Variants in ENOX1 observed in about 807,000 individuals in gnomAD.
ENOX1 encodes candidate growth-related and time keeping constitutive hydroquinone (NADH) oxidase.
ENOX1 carries 42 observed loss-of-function variants against 82.5 expected under a neutral mutation model. The observed-to-expected ratio is 0.51, with a 90% CI of 0.40 to 0.66. The LOEUF (loss-of-function observed/expected upper bound fraction) is 0.66, where lower values mean the gene tolerates loss of function less well. Among genes scored for constraint, ENOX1 ranks in the 30% least tolerant of loss-of-function variants. ENOX1 has a pLI of 0.00. For missense variants in ENOX1, 608 were observed against 811.6 expected (o/e 0.75, Z 3.05); for synonymous variants, 271 against 282.2 (o/e 0.96, Z 0.40).
At chr13:43,609,874 G>A (rs2082126499) in intron 2 of ENOX1, 1 of 963,864 alleles carries the variant, frequency 1.0e-6, no homozygotes, top group South Asian at 4.8e-5. Context: ...TCTACTACTA[G>A]GGACTTACTT....
chr13:43,397,464 G>A (rs548621263), intron 5 of ENOX1, among the ~76,000 whole-genome samples: 32 of 152,302 alleles, frequency 2.1e-4, no homozygotes, highest in Non-Finnish European at 3.4e-4. Context: ...CATTTTTCCT[G>A]CTGAGATGGA....
Position 43,645,275 on chromosome 13 carries a change from C to A in ENOX1, c.-219+22204G>T, listed in dbSNP as rs148516960. 5.9e-5 allele frequency among the ~76,000 whole-genome samples: 9 copies of A among 152,260 alleles called. No individual in the cohort carries two copies. In the East Asian group the frequency reaches 1.7e-3, roughly 29 times the overall value. ...TGAGGCTCAAGTGATCCTCCCATCT[C>A]AAACTCCTTCTGAGTAGCTAGAACT... On this transcript the variant is annotated intron_variant, in intron 2 of 16. Transcript: ENST00000690772.
chr13:43,472,356 A>T (rs1305918463), intron 3 of ENOX1, among the ~76,000 whole-genome samples: 1 of 152,148 alleles, frequency 6.6e-6, no homozygotes, highest in Non-Finnish European at 1.5e-5. Context: ...AAAAAATCAG[A>T]TTCACCGTGA....
At chr13:43,247,883 A>ATTTTTTTTTTTTTTTT (rs869265102) in intron 14 of ENOX1, among the ~76,000 whole-genome samples, 1 of 14,648 alleles carries the variant, frequency 6.8e-5, no homozygotes, top group Non-Finnish European at 1.8e-4. Context: ...ATATATATAT[A>ATTTTTTTTTTTTTTTT]TTTTTTTTTT....
chr13:43,289,180 A>C (rs2045866982), intron 12 of ENOX1, among the ~76,000 whole-genome samples: 1 of 152,166 alleles, frequency 6.6e-6, no homozygotes, highest in Non-Finnish European at 1.5e-5. Context: ...TTCCTATCAA[A>C]TTACTAATGT....
At chr13:43,616,138 C>CTATAGATATA (rs1364614503) in intron 2 of ENOX1, among the ~76,000 whole-genome samples, 317 of 21,612 alleles carry the variant, frequency 0.015, 39 homozygotes, top group East Asian at 0.091. Context: ...ATCTATCTAT[C>CTATAGATATA]TAGATATCTA....
intron 15 of ENOX1, among the ~76,000 whole-genome samples, chr13:43,232,809 C>A (rs1203216813): frequency 6.6e-6 from 1 of 152,120 alleles, no homozygotes; most frequent in Non-Finnish European, 1.5e-5. Flanking sequence ...CAATGACTAG[C>A]ATCAACAGGG....
At chr13:43,415,232 G>GTTTTTTTTTTTTT (rs71202260) in intron 3 of ENOX1, among the ~76,000 whole-genome samples, 3 of 54,634 alleles carry the variant, frequency 5.5e-5, no homozygotes, top group East Asian at 6.8e-4. Context: ...CCAATCCAAT[G>GTTTTTTTTTTTTT]TTTTTTTTTT....
At chr13:43,507,696 G>A (rs756560854) in intron 2 of ENOX1, among the ~76,000 whole-genome samples, 1 of 152,020 alleles carries the variant, frequency 6.6e-6, no homozygotes, top group Admixed American at 6.6e-5. Flanking sequence ...CCAAGCAAGA[G>A]CAAGGCAAGA....
At chr13:43,612,831 G>A (rs1330130823) in intron 2 of ENOX1, among the ~76,000 whole-genome samples, 1 of 149,474 alleles carries the variant, frequency 6.7e-6, no homozygotes, top group Non-Finnish European at 1.5e-5. Flanking sequence ...GAACATTTAT[G>A]TATCACTACC....
In ENOX1 at chr13:43,705,330, C is replaced by CTATATA. The variant is rs60687265; in HGVS notation, c.-284-37792_-284-37787dup. On this transcript the variant is annotated intron_variant, in intron 1 of 16. Transcript: ENST00000690772. ...ACTCTCTCTCTCTCTCTCTCTCTCT[C>CTATATA]TATATATATATATATTTGTAATATA... is the stretch of plus-strand genomic sequence containing the variant. Among the ~76,000 whole-genome samples the CTATATA allele has an allele frequency of 6.5e-3, 844 of 129,772 alleles. 8 individuals carry two copies. The highest frequency in any genetic ancestry group is 0.013 in the African/African-American group (440 of 34,654). 85.1% of individuals were successfully genotyped at this position (129,772 alleles called of 152,430 possible). A position where few individuals can be genotyped will look rare whatever the true frequency, so the allele number is the denominator to read the frequency against.
intron 2 of ENOX1, among the ~76,000 whole-genome samples, chr13:43,530,491 G>A (rs2078164274): frequency 6.6e-6 from 1 of 152,070 alleles, no homozygotes; most frequent in Admixed American, 6.6e-5. Context: ...TTAGCAGAAT[G>A]CCAACAAGCA....
At chr13:43,315,423 G>A (rs2047423045) in intron 11 of ENOX1, among the ~76,000 whole-genome samples, 1 of 152,126 alleles carries the variant, frequency 6.6e-6, no homozygotes. Flanking sequence ...AATGAAAACG[G>A]AAAATCAGGA....
Position 43,359,857 on chromosome 13 carries a change from G to A in ENOX1, c.583C>T (p.Leu195Phe), listed in dbSNP as rs1217164123. 6.2e-7 allele frequency: 1 copy of A among 1,613,978 alleles called. No homozygotes were observed. Among genetic ancestry groups the A allele is most frequent in the Non-Finnish European group, 8.5e-7 (1 of 1,179,904 alleles). The change falls in exon 7 of 17, where the codon CTT becomes TTT. Residue 195 changes from leucine (L) to phenylalanine (F), a missense_variant. Leu to Phe is a conservative substitution (Grantham distance 22, BLOSUM62 0). Transcript: ENST00000690772. ...CTTATGTAATGCAAAGTACCAGAAA[G>A]GTAAATGGCTTTATCAACCATGAAT... The part of the protein sequence containing the change: ...EEFMVDKAIY[L>F]SGYRMRLGSS...
intron 2 of ENOX1, among the ~76,000 whole-genome samples, chr13:43,484,493 C>T (rs765943529): frequency 2.0e-5 from 3 of 152,110 alleles, no homozygotes; most frequent in Non-Finnish European, 2.9e-5. Context: ...GTGCAAGTGG[C>T]TTTTAAATCT....
chr13:43,562,790 G>A (rs892118838), intron 2 of ENOX1, among the ~76,000 whole-genome samples: 11 of 152,042 alleles, frequency 7.2e-5, no homozygotes, highest in African/African-American at 2.7e-4. Flanking sequence ...ACCTATAAAT[G>A]GAGACAAAGA....
chr13:43,351,064 CT>C (rs1566577384), intron 8 of ENOX1, among the ~76,000 whole-genome samples: 1 of 152,218 alleles, frequency 6.6e-6, no homozygotes, highest in Non-Finnish European at 1.5e-5. Flanking sequence ...CCAAAGATAG[CT>C]GGAAATTGCT....
intron 16 of ENOX1, among the ~76,000 whole-genome samples, chr13:43,222,780 T>C (rs1404498760): frequency 6.6e-6 from 1 of 152,216 alleles, no homozygotes; most frequent in Non-Finnish European, 1.5e-5. Flanking sequence ...TTCAAATCTA[T>C]ATGACAACAA....
In ENOX1 at chr13:43,258,304, T is replaced by C. The variant is rs1276725674; in HGVS notation, c.1611+7094A>G. Among the ~76,000 whole-genome samples the C allele has an allele frequency of 2.6e-5, 4 of 152,110 alleles. No homozygotes were observed. In the East Asian group the frequency reaches 7.7e-4, roughly 29 times the overall value. ...CATTGACCTTTTCAAGGGTGCTGGG[T>C]TGGGACATGTGTGGATTTTTTCAGT... is the stretch of plus-strand genomic sequence containing the variant. On this transcript the variant is annotated intron_variant, in intron 14 of 16. Coordinates refer to ENST00000690772, the MANE Select transcript of ENOX1 (RefSeq NM_001347969.2).
Sources: gnomAD v4.1 joint callset for allele counts (sites outside exome capture counted in the v4.1 genomes callset) on GRCh38, gnomAD v4.1.1 for gene constraint, MANE v1.5 for transcripts, NCBI Gene and HGNC (gene_info 2026-07-23, HGNC 2026-07-21) for gene names.